The following PDZD2 variants were observed in gnomAD, a reference collection of about 807,000 sequenced individuals.
The protein encoded by PDZD2 is PDZ domain containing 2, also known as PDZ domain-containing protein 2.
A neutral mutation model predicts 220.7 loss-of-function variants in PDZD2; 90 were observed. That is an observed-to-expected ratio of 0.41 (90% CI 0.34 to 0.49). PDZD2 has a LOEUF of 0.49. Ranked by LOEUF, PDZD2 falls within the 20% of genes least tolerant of loss-of-function variation. PDZD2 has a pLI of 0.28. For synonymous variants in PDZD2, 1,375 were observed against 1,450.5 expected (o/e 0.95, Z 1.18); for missense variants, 3,174 against 3,608.5 (o/e 0.88, Z 3.08).
chr5:31,893,902 T>C lies in PDZD2; in HGVS notation c.477-89253T>C, dbSNP rs994964564. 4.9e-4 allele frequency among the ~76,000 whole-genome samples: 75 copies of C among 151,966 alleles called. No individual in the cohort carries two copies. In the East Asian group the frequency reaches 0.014, roughly 29 times the overall value. ...ACATTTATTTATTTATTTATTTATTTATTTATTTTGAGACGGAGTTTCACT... is the reference window on the plus strand; with the variant it reads ...ACATTTATTTATTTATTTATTTATTCATTTATTTTGAGACGGAGTTTCACT... On this transcript the variant is annotated intron_variant, in intron 2 of 24. Transcript: ENST00000438447.
intron 2 of PDZD2, chr5:31,936,098 G>A: frequency 1.0e-6 from 1 of 987,784 alleles, no homozygotes; most frequent in Non-Finnish European, 1.2e-6. Context: ...GTGGGGCTCT[G>A]GAGCTCAGGA....
At chr5:31,960,334 C>T (rs1748103154) in intron 2 of PDZD2, among the ~76,000 whole-genome samples, 1 of 150,066 alleles carries the variant, frequency 6.7e-6, no homozygotes, top group Non-Finnish European at 1.5e-5. Flanking sequence ...TCTTCTGCCT[C>T]AGCCTCCTGA....
chr5:31,734,773 A>T (rs369251204), intron 1 of PDZD2, among the ~76,000 whole-genome samples: 3 of 152,138 alleles, frequency 2.0e-5, no homozygotes, highest in Admixed American at 6.5e-5. Context: ...GTTTCCCTGA[A>T]AACCAGCCCC....
chr5:32,049,605 T>C (rs1384416578), intron 8 of PDZD2, among the ~76,000 whole-genome samples: 1 of 152,214 alleles, frequency 6.6e-6, no homozygotes, highest in Non-Finnish European at 1.5e-5. Context: ...CAAGGTGATA[T>C]GCCAGAACCT....
intron 2 of PDZD2, among the ~76,000 whole-genome samples, chr5:31,931,467 A>AT (rs1344876289): frequency 2.0e-5 from 3 of 152,142 alleles, no homozygotes; most frequent in East Asian, 1.9e-4. Context: ...CGCATAGTAG[A>AT]TTTTTTAGGG....
At chr5:31,987,274 A>G (rs1012265269) in intron 3 of PDZD2, among the ~76,000 whole-genome samples, 5 of 152,200 alleles carry the variant, frequency 3.3e-5, no homozygotes, top group African/African-American at 1.2e-4. Flanking sequence ...TGGCATGGGT[A>G]TGTCTATGGG....
chr5:32,056,397 A>C (rs1176908312), intron 10 of PDZD2, among the ~76,000 whole-genome samples: 1 of 152,194 alleles, frequency 6.6e-6, no homozygotes, highest in South Asian at 2.1e-4. Context: ...GCTGCTTTGC[A>C]CTTTCTTATA....
chr5:31,849,086 TG>T (rs764024299), intron 2 of PDZD2, among the ~76,000 whole-genome samples: 34 of 152,180 alleles, frequency 2.2e-4, no homozygotes, highest in Non-Finnish European at 4.1e-4. Context: ...TCTGTTTTGC[TG>T]GGAAAAGATG....
intron 2 of PDZD2, among the ~76,000 whole-genome samples, chr5:31,911,238 T>TA (rs1311970364): frequency 2.0e-5 from 3 of 152,256 alleles, no homozygotes; most frequent in African/African-American, 7.2e-5. Flanking sequence ...GGCACTGTAC[T>TA]AGGCTGTTGA....
chr5:31,872,376 C>T (rs947605725), intron 2 of PDZD2, among the ~76,000 whole-genome samples: 1 of 152,140 alleles, frequency 6.6e-6, no homozygotes, highest in African/African-American at 2.4e-5. Flanking sequence ...TCATCTGCCT[C>T]CATGGGAGTG....
At chr5:31,823,423 G>A (rs753760450) in intron 2 of PDZD2, among the ~76,000 whole-genome samples, 6 of 152,052 alleles carry the variant, frequency 3.9e-5, no homozygotes, top group Admixed American at 6.6e-5. Flanking sequence ...AGCCAAGATC[G>A]CGCCATTGCA....
At chr5:31,925,566 GC>G (rs777452460) in intron 2 of PDZD2, among the ~76,000 whole-genome samples, 1 of 152,146 alleles carries the variant, frequency 6.6e-6, no homozygotes, top group East Asian at 1.9e-4. Context: ...AGAATTGATG[GC>G]TAAGTCCTCA....
At chr5:31,896,049 A>G (rs115970291) in intron 2 of PDZD2, among the ~76,000 whole-genome samples, 1,553 of 152,282 alleles carry the variant, frequency 0.01, 26 homozygotes, top group African/African-American at 0.036. Flanking sequence ...AATTGTGCCC[A>G]AGGACACAGA....
intron 2 of PDZD2, among the ~76,000 whole-genome samples, chr5:31,849,027 C>T (rs10055031): frequency 0.6 from 91,305 of 151,934 alleles, 29,492 homozygotes; most frequent in African/African-American, 0.85. Flanking sequence ...CCAGCCTGGG[C>T]GACAGAGCGA....
At chr5:31,968,674 CAAAA>C (rs201501395) in intron 2 of PDZD2, among the ~76,000 whole-genome samples, 1 of 151,384 alleles carries the variant, frequency 6.6e-6, no homozygotes, top group African/African-American at 2.4e-5. Context: ...AACAAACAAA[CAAAA>C]AAAACAACCA....
At chr5:31,751,953 C>T (rs779426863) in intron 1 of PDZD2, among the ~76,000 whole-genome samples, 1 of 152,004 alleles carries the variant, frequency 6.6e-6, no homozygotes, top group Non-Finnish European at 1.5e-5. Flanking sequence ...GAGGATTTCT[C>T]ACTGTTCCCT....
chr5:31,957,369 CAGG>C (rs1197603641), intron 2 of PDZD2, among the ~76,000 whole-genome samples: 1 of 152,224 alleles, frequency 6.6e-6, no homozygotes, highest in Non-Finnish European at 1.5e-5. Context: ...CACACTCGGT[CAGG>C]AGGTTGCACA....
At position 32,110,564 on chromosome 5, in the gene PDZD2, CTTTTT is replaced by C. The variant is rs200988208; in HGVS notation, c.*2434_*2438del. 6.6e-6 allele frequency: 1 copy of C among 151,702 alleles called. No homozygotes were observed. Among genetic ancestry groups the C allele is most frequent in the African/African-American group, 2.4e-5 (1 of 41,170 alleles). 9.4% of individuals were successfully genotyped at this position (151,702 alleles called of 1,614,324 possible). A position where few individuals can be genotyped will look rare whatever the true frequency, so the allele number is the denominator to read the frequency against. ...TGTCCTACTAAAACTGTCATTGTTT[CTTTTT>C]TTTTAACTGGTCAGTCATTCACAAT... On this transcript the variant is annotated 3_prime_UTR_variant, in exon 25 of 25. Transcript: ENST00000438447.
chr5:31,923,723 T>C (rs1744497560), intron 2 of PDZD2, among the ~76,000 whole-genome samples: 1 of 152,204 alleles, frequency 6.6e-6, no homozygotes, highest in African/African-American at 2.4e-5. Context: ...TAAATGTTTT[T>C]AACAATGTTA....
Sources: gnomAD v4.1 joint callset for allele counts (sites outside exome capture counted in the v4.1 genomes callset) on GRCh38, gnomAD v4.1.1 for gene constraint, MANE v1.5 for transcripts, NCBI Gene and HGNC (gene_info 2026-07-23, HGNC 2026-07-21) for gene names.